The following JPH3 variants were observed in gnomAD, a reference collection of about 807,000 sequenced individuals.
JPH3 encodes the protein junctophilin 3, also known as junctophilin-3.
JPH3 carries 11 observed loss-of-function variants against 59.6 expected under a neutral mutation model. The observed-to-expected ratio is 0.18, with a 90% confidence interval of 0.12 to 0.31. The LOEUF is 0.31. JPH3 is among the 10% of genes least tolerant of loss of function. JPH3 has a pLI of 1.00. For synonymous variants in JPH3, 673 were observed against 483.6 expected, an observed-to-expected ratio of 1.39 and a Z score of -5.14; for missense variants, 1,202 against 1,105.7, an observed-to-expected ratio of 1.09 and a Z score of -1.24.
chr16:87,644,692 C>A lies in JPH3; in HGVS notation c.817C>A (p.Leu273Met). The A allele has an allele frequency of 6.2e-7, 1 of 1,612,194 alleles. No homozygotes were observed. Among genetic ancestry groups the A allele is most frequent in the Non-Finnish European group, 8.5e-7 (1 of 1,179,918 alleles). ...CAGCCTGGGCGAGGCTGAGGCCGAGCTGGCGGTCATCGAGGACGACATCGA... is the reference window on the plus strand; with the variant it reads ...CAGCCTGGGCGAGGCTGAGGCCGAGATGGCGGTCATCGAGGACGACATCGA... ...TISLGEAEAELAVIEDDIDAT... is the reference protein window; with the variant it reads ...TISLGEAEAEMAVIEDDIDAT... Residue 273 changes from leucine to methionine, a missense_variant, in exon 2 of 5, where the codon CTG becomes ATG. Leu to Met is a conservative substitution (Grantham distance 15). Coordinates refer to ENST00000284262, the MANE Select transcript of JPH3 (RefSeq NM_020655.4).
At chr16:87,636,133 C>T (rs985596129) in intron 1 of JPH3, among the ~76,000 whole-genome samples, 1 of 152,174 alleles carries the variant, frequency 6.6e-6, no homozygotes, top group African/African-American at 2.4e-5. Flanking sequence ...CTGCAGGTGA[C>T]CAGTTAGGTT....
chr16:87,604,285 T>TG (rs1272197461), intron 1 of JPH3: 2 of 1,244,996 alleles, frequency 1.6e-6, no homozygotes, highest in African/African-American at 3.8e-5. Flanking sequence ...GCCAGGGAGC[T>TG]GCCTGCTGCT....
chr16:87,606,468 G>A (rs1000942689), intron 1 of JPH3, among the ~76,000 whole-genome samples: 9 of 152,290 alleles, frequency 5.9e-5, no homozygotes, highest in East Asian at 1.9e-4. Flanking sequence ...AGCTCCTACC[G>A]TCTGCATGGT....
chr16:87,652,697 C>G (rs572167934), intron 2 of JPH3, among the ~76,000 whole-genome samples: 2 of 152,318 alleles, frequency 1.3e-5, no homozygotes, highest in South Asian at 4.1e-4. Flanking sequence ...GAGGTGGCCA[C>G]CTAGATGATG....
At chr16:87,642,506 G>T (rs536135086) in intron 1 of JPH3, among the ~76,000 whole-genome samples, 2 of 152,372 alleles carry the variant, frequency 1.3e-5, no homozygotes, top group South Asian at 4.1e-4. Context: ...TATGAAAACA[G>T]CGGTGGGACG....
At chr16:87,644,054 C>T (rs914246482) in intron 1 of JPH3, among the ~76,000 whole-genome samples, 1 of 152,186 alleles carries the variant, frequency 6.6e-6, no homozygotes, top group East Asian at 1.9e-4. Flanking sequence ...AGGAGGATCG[C>T]CTGAGCCCAG....
rs748335498 is a variant in JPH3, at chr16:87,644,797, G to A, written c.922G>A (p.Gly308Arg). The A allele has an allele frequency of 1.2e-5, 20 of 1,613,200 alleles. 1 individual carries two copies. Among genetic ancestry groups the A allele is most frequent in the African/African-American group, 4.0e-5 (3 of 74,824 alleles). Residue 308 changes from glycine to arginine, a missense_variant, in exon 2 of 5, where the codon GGG becomes AGG. Transcript: ENST00000284262. Reference sequence around the variant, plus strand: ...CTTCGGCGTGAGCCAGCGCTCGGACGGGCTCAAGTACGAGGGCGAGTGGGC... The same window carrying A: ...CTTCGGCGTGAGCCAGCGCTCGGACAGGCTCAAGTACGAGGGCGAGTGGGC... ...SGFGVSQRSD[G>R]LKYEGEWASN...
rs773168769 is a variant in JPH3, at chr16:87,644,467, C to T, written c.592C>T (p.Leu198Phe). The T allele has an allele frequency of 6.2e-7, 1 of 1,612,686 alleles. No homozygotes were observed. ...GGCCGTGTCCCGCGGGGGCTTCGTGCTCGTGGCCCACAGTGACTCCGAGAT... is the reference window on the plus strand; with the variant it reads ...GGCCGTGTCCCGCGGGGGCTTCGTGTTCGTGGCCCACAGTGACTCCGAGAT... ...SPAVSRGGFV[L>F]VAHSDSEILK... Residue 198 changes from leucine to phenylalanine, a missense_variant, in exon 2 of 5, where the codon CTC (leucine) becomes TTC (phenylalanine). By Grantham distance (22) the Leu-to-Phe change is conservative. Coordinates refer to ENST00000284262, the MANE Select transcript of JPH3 (RefSeq NM_020655.4).
intron 1 of JPH3, among the ~76,000 whole-genome samples, chr16:87,629,179 G>A (rs1457826059): frequency 1.3e-5 from 2 of 152,202 alleles, no homozygotes; most frequent in South Asian, 4.1e-4. Flanking sequence ...CTGCTGTCTC[G>A]GTATTTCACA....
chr16:87,655,442 C>T (rs1440368947), intron 2 of JPH3, among the ~76,000 whole-genome samples: 1 of 152,192 alleles, frequency 6.6e-6, no homozygotes, highest in East Asian at 1.9e-4. Flanking sequence ...CAGCCTCGAT[C>T]TCCTGAGCTC....
intron 2 of JPH3, among the ~76,000 whole-genome samples, chr16:87,661,389 G>A (rs774389773): frequency 6.6e-6 from 1 of 152,248 alleles, no homozygotes; most frequent in Non-Finnish European, 1.5e-5. Flanking sequence ...ATCTTTGAGG[G>A]CTGTGTTTCT....
chr16:87,653,688 GT>G (rs1367475030), intron 2 of JPH3: 1 of 152,186 alleles, frequency 6.6e-6, no homozygotes, highest in East Asian at 1.9e-4. Flanking sequence ...TGTGCTTAGT[GT>G]CCCCCTAAAG....
intron 2 of JPH3, among the ~76,000 whole-genome samples, chr16:87,659,402 A>T (rs1488487515): frequency 3.4e-5 from 5 of 146,326 alleles, no homozygotes; most frequent in Non-Finnish European, 4.5e-5. Flanking sequence ...AAAAAAAGAA[A>T]ACTACACACA....
chr16:87,618,250 C>T (rs575992780), intron 1 of JPH3, among the ~76,000 whole-genome samples: 87 of 152,200 alleles, frequency 5.7e-4, no homozygotes, highest in Non-Finnish European at 1.1e-3. Context: ...GGGAGAAATG[C>T]ACAGGATGGA....
At chr16:87,612,324 C>T (rs1347660353) in intron 1 of JPH3, among the ~76,000 whole-genome samples, 4 of 152,116 alleles carry the variant, frequency 2.6e-5, no homozygotes, top group South Asian at 2.1e-4. Context: ...GGGGTTTTGT[C>T]GTGTTTCCCA....
At chr16:87,663,533 T>C (rs1359283221) in intron 2 of JPH3, among the ~76,000 whole-genome samples, 2 of 152,246 alleles carry the variant, frequency 1.3e-5, no homozygotes, top group Admixed American at 1.3e-4. Context: ...GTTTCCCGTT[T>C]TCCTTTGTGA....
At chr16:87,625,640 A>T (rs1230954414) in intron 1 of JPH3, among the ~76,000 whole-genome samples, 1 of 152,088 alleles carries the variant, frequency 6.6e-6, no homozygotes, top group Non-Finnish European at 1.5e-5. Context: ...AGACGTGAGG[A>T]TCTAACAGGG....
intron 1 of JPH3, among the ~76,000 whole-genome samples, chr16:87,640,450 G>A (rs2031909709): frequency 6.6e-6 from 1 of 151,840 alleles, no homozygotes; most frequent in Non-Finnish European, 1.5e-5. Flanking sequence ...GAGTGCAGTG[G>A]CATGATCTGT....
chr16:87,607,275 G>A (rs1040187161), intron 1 of JPH3, among the ~76,000 whole-genome samples: 2 of 152,082 alleles, frequency 1.3e-5, no homozygotes, highest in South Asian at 4.1e-4. Flanking sequence ...AGAACCCCTC[G>A]AATCGAAAGT....
Sources: gnomAD v4.1 joint callset for allele counts (sites outside exome capture counted in the v4.1 genomes callset) on GRCh38, gnomAD v4.1.1 for gene constraint, MANE v1.5 for transcripts, NCBI Gene and HGNC (gene_info 2026-07-23, HGNC 2026-07-21) for gene names.